MIB1: variants seen among roughly 807,000 people sequenced by gnomAD.
MIB1 encodes MIB E3 ubiquitin protein ligase 1, also known as E3 ubiquitin-protein ligase MIB1.
A neutral mutation model predicts 124.5 loss-of-function variants in MIB1; 278 were observed. The observed-to-expected ratio is 2.23, with a 90% confidence interval of 2.02 to 2.47. The LOEUF is 2.47. Ranked by LOEUF, MIB1 falls within the 30% of genes most tolerant of loss-of-function variation. MIB1 has a pLI of 0.00. For missense variants in MIB1, 957 were observed against 1,254.4 expected, an observed-to-expected ratio of 0.76 and a Z score of 3.58; for synonymous variants, 446 against 429.4, an observed-to-expected ratio of 1.04 and a Z score of -0.48.
intron 7 of MIB1, 135 bp downstream of exon 7, chr18:21,791,692 C>T (rs769062759): frequency 2.2e-4 from 132 of 612,612 alleles, no homozygotes; most frequent in Middle Eastern, 1.2e-3. Context: ...TAGACATACT[C>T]GTGCATTTTG....
At chr18:21,795,364 A>G (rs1411263435) in intron 7 of MIB1, among the ~76,000 whole-genome samples, 1 of 143,756 alleles carries the variant, frequency 7.0e-6, no homozygotes, top group African/African-American at 2.5e-5. Flanking sequence ...ATAATACATA[A>G]TATATAAATA....
At chr18:21,742,414 TC>T (rs988853742) in intron 1 of MIB1, among the ~76,000 whole-genome samples, 3 of 151,952 alleles carry the variant, frequency 2.0e-5, no homozygotes, top group Non-Finnish European at 2.9e-5. Flanking sequence ...GAGAAAAACA[TC>T]CTGAGCTCTT....
intron 1 of MIB1, among the ~76,000 whole-genome samples, chr18:21,713,973 TTTTA>T (rs1568174271): frequency 6.6e-6 from 1 of 152,096 alleles, no homozygotes; most frequent in Non-Finnish European, 1.5e-5. Context: ...TGGAGAAAAT[TTTTA>T]ATAGGAGCAC....
chr18:21,752,226 T>C (rs957664667), intron 1 of MIB1, among the ~76,000 whole-genome samples: 1 of 152,184 alleles, frequency 6.6e-6, no homozygotes. Flanking sequence ...GCTCTGCTCT[T>C]GAGGACAAGC....
At chr18:21,810,374 G>T (rs1376304021) in intron 10 of MIB1, among the ~76,000 whole-genome samples, 2 of 151,944 alleles carry the variant, frequency 1.3e-5, no homozygotes, top group African/African-American at 4.8e-5. Context: ...GTTTCTTGCA[G>T]AAATAGAAAA....
rs1353114067 is a variant in MIB1 at position 21,819,528 on chromosome 18, A to G, written c.1711A>G (p.Ile571Val). 7.5e-6 allele frequency: 12 copies of G among 1,609,222 alleles called. No homozygotes were observed. The highest frequency in any genetic ancestry group is 1.7e-5 in the Admixed American group (1 of 59,482). The change falls in exon 12 of 21, where the codon ATA (isoleucine) becomes GTA (valine). Residue 571 changes from isoleucine (I) to valine (V), a missense_variant. Coordinates refer to ENST00000261537, the MANE Select transcript of MIB1 (RefSeq NM_020774.4). ...AGGTGATACCCCTCTTCATGATGCA[A>G]TAAGTAAGAAACGTGATGATATCCT... ...SEGDTPLHDA[I>V]SKKRDDILAV... is the part of the protein sequence containing the mutation.
chr18:21,729,124 A>G (rs147902326), intron 1 of MIB1, among the ~76,000 whole-genome samples: 1 of 152,284 alleles, frequency 6.6e-6, no homozygotes, highest in East Asian at 1.9e-4. Context: ...CAGACAGCCC[A>G]CTCAATGACC....
intron 1 of MIB1, among the ~76,000 whole-genome samples, chr18:21,721,815 A>G (rs2040717092): frequency 6.6e-6 from 1 of 152,218 alleles, no homozygotes; most frequent in Non-Finnish European, 1.5e-5. Flanking sequence ...CAAAGATAGT[A>G]CAGGGTTCCC....
chr18:21,870,723 T>G lies in MIB1; in HGVS notation c.*6057T>G, dbSNP rs1473097802. On this transcript the variant is annotated 3_prime_UTR_variant, in exon 21 of 21. Coordinates refer to ENST00000261537, the MANE Select transcript of MIB1 (RefSeq NM_020774.4). ...TTATTGAGAGGTCATCTAGCTCCAG[T>G]TCAAAAGATTATGTATATCTGATGT... 1 of 152,202 alleles carries G rather than the reference T, an allele frequency of 6.6e-6. No individual in the cohort carries two copies. Among genetic ancestry groups the G allele is most frequent in the South Asian group, 2.1e-4 (1 of 4,832 alleles). The allele number at this position is 152,202 out of a possible 1,614,324, so 9.4% of individuals were successfully genotyped here.
chr18:21,733,016 C>T (rs1202365081), intron 1 of MIB1, among the ~76,000 whole-genome samples: 1 of 152,180 alleles, frequency 6.6e-6, no homozygotes, highest in Non-Finnish European at 1.5e-5. Context: ...TGTGACCGGT[C>T]CACTTTTGCT....
chr18:21,709,817 G>C (rs1023738952), intron 1 of MIB1, among the ~76,000 whole-genome samples: 1 of 152,200 alleles, frequency 6.6e-6, no homozygotes, highest in Non-Finnish European at 1.5e-5. Context: ...TCCTGACAGA[G>C]ATGTGAGCAA....
intron 1 of MIB1, among the ~76,000 whole-genome samples, chr18:21,715,448 C>T (rs1165926034): frequency 6.6e-6 from 1 of 151,962 alleles, no homozygotes; most frequent in Non-Finnish European, 1.5e-5. Context: ...TATGACAAAA[C>T]AAAGTTTTTC....
chr18:21,737,009 A>G (rs1275426130), upstream of MIB1, among the ~76,000 whole-genome samples: 1 of 152,222 alleles, frequency 6.6e-6, no homozygotes, highest in Non-Finnish European at 1.5e-5. Flanking sequence ...TTCAGGAAAT[A>G]CAGAGAACAC....
chr18:21,811,605 A>G (rs1010531450), intron 10 of MIB1, among the ~76,000 whole-genome samples: 2 of 152,160 alleles, frequency 1.3e-5, no homozygotes, highest in Non-Finnish European at 2.9e-5. Context: ...AGCCAGTTAC[A>G]AAAAGACAAA....
intron 1 of MIB1, among the ~76,000 whole-genome samples, chr18:21,745,549 G>A (rs1214372928): frequency 6.6e-6 from 1 of 152,166 alleles, no homozygotes; most frequent in African/African-American, 2.4e-5. Flanking sequence ...CTAAATTTAA[G>A]AGAGTGGGAC....
rs1238855588 is a variant in MIB1 at position 21,861,782 on chromosome 18, CAAAGT to C, written c.2881-2740_2881-2736del. On this transcript the variant is annotated intron_variant, in intron 20 of 20. Transcript: ENST00000261537. ...CTTGGTATTAAGGATATACTAATCTCAAAGTAAACACAGGCTGCACAGATGTGTCT... is the reference window on the plus strand; with the variant it reads ...CTTGGTATTAAGGATATACTAATCTCAAACACAGGCTGCACAGATGTGTCT... Among the ~76,000 whole-genome samples the C allele has an allele frequency of 7.9e-5, 12 of 152,218 alleles. No homozygotes were observed. The South Asian group carries it at 2.5e-3, about 32-fold the overall frequency.
chr18:21,866,777 T>G lies in MIB1; in HGVS notation c.*2111T>G, dbSNP rs934113331. 8 of 152,266 alleles carry G rather than the reference T, an allele frequency of 5.3e-5. No individual in the cohort carries two copies. The highest frequency in any genetic ancestry group is 1.9e-4 in the African/African-American group (8 of 41,462). 9.4% of individuals were successfully genotyped at this position (152,266 alleles called of 1,614,324 possible). A position where few individuals can be genotyped will look rare whatever the true frequency, so the allele number is the denominator to read the frequency against. ...ACATAAATTTTTATTATAGAAATAA[T>G]GTCATTATAATTTTAGTGCTAGTAC... is the stretch of plus-strand genomic sequence containing the variant. On this transcript the variant is annotated 3_prime_UTR_variant, in exon 21 of 21. Coordinates refer to ENST00000261537, the MANE Select transcript of MIB1 (RefSeq NM_020774.4).
At chr18:21,846,796 G>A (rs1242454694) in intron 15 of MIB1, 148 bp from the exon 16 acceptor site, 1 of 698,610 alleles carries the variant, frequency 1.4e-6, no homozygotes, top group African/African-American at 1.8e-5. Context: ...TTGTGTGTAT[G>A]CTTGAGAAAA....
At chr18:21,755,705 GA>G (rs2041024302) in intron 1 of MIB1, among the ~76,000 whole-genome samples, 1 of 152,194 alleles carries the variant, frequency 6.6e-6, no homozygotes, top group Non-Finnish European at 1.5e-5. Context: ...ATAAGAAATG[GA>G]AAACAGCAGA....
Sources: gnomAD v4.1 joint callset for allele counts (sites outside exome capture counted in the v4.1 genomes callset) on GRCh38, gnomAD v4.1.1 for gene constraint, MANE v1.5 for transcripts, NCBI Gene and HGNC (gene_info 2026-07-23, HGNC 2026-07-21) for gene names.